Variants in CFAP54 observed in about 807,000 individuals in gnomAD.
CFAP54 encodes the protein cilia and flagella associated protein 54, also known as cilia- and flagella-associated protein 54.
Under a neutral mutation model 370.4 loss-of-function variants are expected in CFAP54, and 290 were observed. The observed-to-expected ratio is 0.78, with a 90% CI of 0.71 to 0.86. The LOEUF (loss-of-function observed/expected upper bound fraction) is 0.86. CFAP54 is among the 40% of genes least tolerant of loss of function. CFAP54 has a pLI of 0.00. For synonymous variants in CFAP54, 1,206 were observed against 1,236.5 expected, an observed-to-expected ratio of 0.98 and a Z score of 0.52; for missense variants, 3,399 against 3,528.7, an observed-to-expected ratio of 0.96 and a Z score of 0.93.
intron 14 of CFAP54, among the ~76,000 whole-genome samples, chr12:96,543,688 A>AT (rs1301956099): frequency 6.6e-6 from 1 of 152,124 alleles, no homozygotes; most frequent in Admixed American, 6.5e-5. Flanking sequence ...CTTTTACTAG[A>AT]TGCATGAAAG....
intron 22 of CFAP54, among the ~76,000 whole-genome samples, chr12:96,585,375 C>T (rs745355694): frequency 3.3e-5 from 5 of 152,044 alleles, no homozygotes; most frequent in East Asian, 1.9e-4. Flanking sequence ...TGTTTGAAAA[C>T]GTTAGGGCTT....
At chr12:96,828,933 G>T in intron 65 of CFAP54, 81 bp from the exon 66 acceptor site, 1 of 697,688 alleles carries the variant, frequency 1.4e-6, no homozygotes, top group South Asian at 2.4e-5. Context: ...AAAGACAAAT[G>T]AAATAGTTTA....
chr12:96,757,350 G>A (rs753639282), intron 57 of CFAP54, 145 bp from the exon 58 acceptor site: 53 of 452,432 alleles, frequency 1.2e-4, no homozygotes, highest in Non-Finnish European at 4.7e-5. Context: ...ATGGTCAAAA[G>A]TGCTATGAAA....
intron 44 of CFAP54, among the ~76,000 whole-genome samples, chr12:96,691,653 A>G (rs1370302502): frequency 6.6e-6 from 1 of 152,176 alleles, no homozygotes; most frequent in African/African-American, 2.4e-5. Flanking sequence ...TGTTCAGGTT[A>G]TATCAATCCC....
Position 96,576,698 on chromosome 12 carries a change from C to T in CFAP54, c.2733C>T (p.Ile911=). 1 of 1,535,962 alleles carries T rather than the reference C, an allele frequency of 6.5e-7. No individual in the cohort carries two copies. Among genetic ancestry groups the T allele is most frequent in the Non-Finnish European group, 8.7e-7 (1 of 1,146,712 alleles). Residue 911 remains isoleucine (I), a synonymous_variant, in exon 20 of 68, where the codon ATC becomes ATT. Coordinates refer to ENST00000524981, the MANE Select transcript of CFAP54 (RefSeq NM_001306084.2). The stretch of plus-strand genomic sequence containing the variant: ...AAAGCAGAGTCCCCCCTCCACCTAT[C>T]CTGCTGTCTCGAACTCATTGTTCTG... ...RKKSRVPPPP[I]LLSRTHCSVT... is the part of the protein sequence containing the mutation.
At chr12:96,799,123 G>C (rs569132347) in intron 63 of CFAP54, among the ~76,000 whole-genome samples, 4 of 152,166 alleles carry the variant, frequency 2.6e-5, no homozygotes, top group Non-Finnish European at 4.4e-5. Context: ...GGAAGGAGGG[G>C]ACAAGTATTT....
rs1955533907 is a variant in CFAP54, at chr12:96,538,537, C to T, written c.1926+19C>T. ...TAACAAAGTATTCCTTTCGCATTCC[C>T]TTTCACGTGTTTTTTTTGCTATTGC... On this transcript the variant is annotated intron_variant, in intron 13 of 67. Transcript: ENST00000524981. The T allele has an allele frequency of 4.6e-6, 7 of 1,530,118 alleles. No homozygotes were observed. Among genetic ancestry groups the T allele is most frequent in the Non-Finnish European group, 6.1e-6 (7 of 1,143,508 alleles). The allele number at this position is 1,530,118 out of a possible 1,614,324, so 94.8% of individuals were successfully genotyped here.
At chr12:96,496,709 AG>A (rs1287409296) in intron 1 of CFAP54, among the ~76,000 whole-genome samples, 1 of 151,976 alleles carries the variant, frequency 6.6e-6, no homozygotes, top group Non-Finnish European at 1.5e-5. Flanking sequence ...GCAGTGGGGG[AG>A]GGGTCACAAA....
intron 26 of CFAP54, among the ~76,000 whole-genome samples, chr12:96,613,999 C>T (rs955309617): frequency 3.3e-5 from 5 of 152,144 alleles, no homozygotes; most frequent in African/African-American, 1.2e-4. Flanking sequence ...GGGAATCCTC[C>T]CTAACTCATT....
At chr12:96,511,065 T>A (rs1274353719) in intron 4 of CFAP54, among the ~76,000 whole-genome samples, 1 of 151,990 alleles carries the variant, frequency 6.6e-6, no homozygotes, top group Non-Finnish European at 1.5e-5. Context: ...AGTCGAGTGG[T>A]TTCTTCCCCA....
chr12:96,577,159 G>A (rs949745128), intron 20 of CFAP54, among the ~76,000 whole-genome samples: 1 of 152,186 alleles, frequency 6.6e-6, no homozygotes, highest in Non-Finnish European at 1.5e-5. Flanking sequence ...GTATGAGGCA[G>A]CAGAGTGTGT....
intron 64 of CFAP54, 34 bp downstream of exon 64, chr12:96,811,876 G>A (rs1389769381): frequency 7.9e-7 from 1 of 1,261,170 alleles, no homozygotes; most frequent in Non-Finnish European, 1.1e-6. Context: ...AATTGTCTTT[G>A]TTGTTATCTC....
chr12:96,602,843 T>C (rs1956258806), intron 26 of CFAP54, among the ~76,000 whole-genome samples: 1 of 152,202 alleles, frequency 6.6e-6, no homozygotes, highest in Non-Finnish European at 1.5e-5. Flanking sequence ...TTTGGGACTA[T>C]GTGTGTCTTT....
intron 47 of CFAP54, among the ~76,000 whole-genome samples, chr12:96,706,767 A>G (rs1957551712): frequency 6.6e-6 from 1 of 151,776 alleles, no homozygotes; most frequent in Non-Finnish European, 1.5e-5. Flanking sequence ...CCAAACCTCA[A>G]AGCACTTACA....
chr12:96,523,890 A>T (rs1955346798), intron 8 of CFAP54, among the ~76,000 whole-genome samples: 1 of 151,268 alleles, frequency 6.6e-6, no homozygotes, highest in Non-Finnish European at 1.5e-5. Flanking sequence ...ATTTCCCTTA[A>T]GATAATTGTT....
At chr12:96,751,396 A>G (rs1958181597) in intron 55 of CFAP54, among the ~76,000 whole-genome samples, 1 of 152,190 alleles carries the variant, frequency 6.6e-6, no homozygotes, top group African/African-American at 2.4e-5. Flanking sequence ...CTAGAAGACA[A>G]TTCAAGTATT....
chr12:96,786,912 A>G lies in CFAP54; in HGVS notation c.8679+14A>G. The G allele has an allele frequency of 6.7e-7, 1 of 1,488,798 alleles. No individual in the cohort carries two copies. Among genetic ancestry groups the G allele is most frequent in the Non-Finnish European group, 9.0e-7 (1 of 1,111,032 alleles). The allele number at this position is 1,488,798 out of a possible 1,614,324, so 92.2% of individuals were successfully genotyped here. Reference sequence around the variant, plus strand: ...TCATCTGCCAAGGTAACGTTTTTTGAAACATGATATATTTACATAAAACTT... The same window carrying G: ...TCATCTGCCAAGGTAACGTTTTTTGGAACATGATATATTTACATAAAACTT... On this transcript the variant is annotated intron_variant, in intron 62 of 67. Transcript: ENST00000524981.
chr12:96,692,911 GT>G (rs1957401905), intron 44 of CFAP54, among the ~76,000 whole-genome samples: 1 of 152,180 alleles, frequency 6.6e-6, no homozygotes, highest in Non-Finnish European at 1.5e-5. Flanking sequence ...GAAGGCTACA[GT>G]TGCAGGAGCT....
At position 96,757,585 on chromosome 12, in the gene CFAP54, TA is replaced by T; in HGVS notation, c.8039del (p.Lys2680SerfsTer24). 6.4e-7 allele frequency: 1 copy of T among 1,556,246 alleles called. No homozygotes were observed. The highest frequency in any genetic ancestry group is 8.8e-7 in the Non-Finnish European group (1 of 1,134,510). ...AAATTTCAGGATCACCATTAACACT[TA>T]AGGTAAGAGTCTATTTTATTAGAAA... ...IKISGSPLTLKPPLRRSSSVK... is the reference protein window; with the variant it reads ...IKISGSPLTLXPPLRRSSSVK... On this transcript the variant is annotated frameshift_variant and splice_region_variant, in exon 58 of 68. Transcript: ENST00000524981. LOFTEE classifies it high-confidence loss of function.
Sources: allele counts gnomAD v4.1 joint callset (sites outside exome capture counted in the v4.1 genomes callset), GRCh38; gene constraint gnomAD v4.1.1; transcripts MANE v1.5; gene names NCBI Gene and HGNC (gene_info 2026-07-23, HGNC 2026-07-21).